FSTL5: variants seen among roughly 807,000 people sequenced by gnomAD.
FSTL5 encodes the protein follistatin-related protein 5.
FSTL5 carries 62 observed loss-of-function variants against 89.1 expected under a neutral mutation model. The ratio of observed to expected loss-of-function variants is 0.70; its 90% CI spans 0.57 to 0.86. FSTL5 has a LOEUF of 0.86. Ranked by LOEUF, FSTL5 falls within the 40% of genes least tolerant of loss-of-function variation. The pLI is 0.00. For synonymous variants in FSTL5, 383 were observed against 346.2 expected, an observed-to-expected ratio of 1.11 and a Z score of -1.18; for missense variants, 1,057 against 1,001.6, an observed-to-expected ratio of 1.06 and a Z score of -0.75.
At chr4:161,508,556 A>G (rs1284971236) in intron 11 of FSTL5, among the ~76,000 whole-genome samples, 2 of 152,156 alleles carry the variant, frequency 1.3e-5, no homozygotes, top group African/African-American at 4.8e-5. Context: ...CCAAAAACTA[A>G]CAGAATACAT....
intron 4 of FSTL5, among the ~76,000 whole-genome samples, chr4:161,870,930 G>A (rs1281436556): frequency 6.6e-6 from 1 of 152,022 alleles, no homozygotes; most frequent in Non-Finnish European, 1.5e-5. Flanking sequence ...GAGGCAAAAA[G>A]ATTCCTTAAT....
chr4:161,978,042 C>T (rs1578912105), intron 3 of FSTL5, among the ~76,000 whole-genome samples: 2 of 152,304 alleles, frequency 1.3e-5, no homozygotes, highest in African/African-American at 4.8e-5. Context: ...CAGTATTGGC[C>T]TTTCCACCTT....
At chr4:161,851,534 T>C (rs553794203) in intron 4 of FSTL5, among the ~76,000 whole-genome samples, 1 of 152,208 alleles carries the variant, frequency 6.6e-6, no homozygotes, top group Non-Finnish European at 1.5e-5. Flanking sequence ...ATACACTAAA[T>C]ATATGCACAT....
chr4:161,690,786 C>T (rs550468818), intron 6 of FSTL5, among the ~76,000 whole-genome samples: 9 of 152,026 alleles, frequency 5.9e-5, no homozygotes, highest in East Asian at 5.8e-4. Flanking sequence ...GTCATTTTTC[C>T]GACCATCTCC....
At chr4:161,965,882 G>A (rs1735312394) in intron 3 of FSTL5, among the ~76,000 whole-genome samples, 1 of 151,842 alleles carries the variant, frequency 6.6e-6, no homozygotes. Context: ...GTAGAGTATG[G>A]GTAATCTGTC....
At chr4:161,886,991 A>G (rs529288262) in intron 4 of FSTL5, among the ~76,000 whole-genome samples, 1 of 152,320 alleles carries the variant, frequency 6.6e-6, no homozygotes, top group Admixed American at 6.5e-5. Context: ...GCTTTAAAAT[A>G]GCTACATTTA....
intron 13 of FSTL5, among the ~76,000 whole-genome samples, chr4:161,471,096 A>G (rs1733919071): frequency 6.6e-6 from 1 of 152,242 alleles, no homozygotes; most frequent in Non-Finnish European, 1.5e-5. Flanking sequence ...TGTTCTGGCT[A>G]GAAGCCAATA....
intron 3 of FSTL5, among the ~76,000 whole-genome samples, chr4:162,001,337 T>G (rs1736456879): frequency 6.6e-6 from 1 of 152,098 alleles, no homozygotes; most frequent in Non-Finnish European, 1.5e-5. Context: ...TCTATCTATC[T>G]AGAGAGTAAA....
intron 4 of FSTL5, among the ~76,000 whole-genome samples, chr4:161,794,479 T>C (rs1729570530): frequency 6.6e-6 from 1 of 152,182 alleles, no homozygotes; most frequent in Admixed American, 6.5e-5. Flanking sequence ...AATTGTAAAT[T>C]TGAGTTAATT....
chr4:161,779,275 CA>C (rs899743102), intron 4 of FSTL5, among the ~76,000 whole-genome samples: 45 of 151,514 alleles, frequency 3.0e-4, no homozygotes, highest in South Asian at 2.3e-3. Context: ...ATAAAATAAC[CA>C]AAAAAAATTG....
At chr4:161,587,951 A>G (rs915617525) in intron 7 of FSTL5, among the ~76,000 whole-genome samples, 8 of 152,168 alleles carry the variant, frequency 5.3e-5, no homozygotes, top group African/African-American at 1.7e-4. Context: ...AGGCAGGTGG[A>G]TCACTTGATG....
chr4:162,065,583 G>A (rs1186239115), intron 2 of FSTL5, among the ~76,000 whole-genome samples: 1 of 151,968 alleles, frequency 6.6e-6, no homozygotes, highest in Admixed American at 6.6e-5. Context: ...GGAGAAAAGG[G>A]TGTAAAGAAA....
chr4:161,834,671 G>A (rs1402575833), intron 4 of FSTL5, among the ~76,000 whole-genome samples: 2 of 152,168 alleles, frequency 1.3e-5, no homozygotes, highest in African/African-American at 4.8e-5. Context: ...GACAAACAGA[G>A]AGCCAAATCA....
intron 15 of FSTL5, among the ~76,000 whole-genome samples, chr4:161,439,191 G>A (rs1732677755): frequency 6.6e-6 from 1 of 152,154 alleles, no homozygotes; most frequent in South Asian, 2.1e-4. Flanking sequence ...TCAAAAGCCT[G>A]TCCATTACTT....
chr4:162,160,914 C>CATA (rs1579073970), intron 1 of FSTL5, among the ~76,000 whole-genome samples: 1 of 151,442 alleles, frequency 6.6e-6, no homozygotes, highest in South Asian at 2.1e-4. Context: ...TCTCACAAAA[C>CATA]ATAAACAGGA....
At chr4:162,059,483 A>G (rs1738653051) in intron 2 of FSTL5, among the ~76,000 whole-genome samples, 1 of 152,178 alleles carries the variant, frequency 6.6e-6, no homozygotes, top group African/African-American at 2.4e-5. Context: ...GGGAATTCAG[A>G]AGAAAATTGA....
rs185387895 is a variant in FSTL5 at position 161,889,176 on chromosome 4, C to T, written c.409+31228G>A. Among the ~76,000 whole-genome samples the T allele has an allele frequency of 8.5e-4, 129 of 152,178 alleles. 1 individual carries two copies. The Middle Eastern group carries it at 0.017, about 20-fold the overall frequency. ...CAACCAAGCTTTGAGTAGCAATTTACGATCATCCACAAAATAGAGAAAGCC... is the reference window on the plus strand; with the variant it reads ...CAACCAAGCTTTGAGTAGCAATTTATGATCATCCACAAAATAGAGAAAGCC... On this transcript the variant is annotated intron_variant, in intron 4 of 15. Transcript: ENST00000306100.
chr4:161,705,841 C>A (rs1206940556), intron 6 of FSTL5, among the ~76,000 whole-genome samples: 1 of 148,790 alleles, frequency 6.7e-6, no homozygotes, highest in African/African-American at 2.5e-5. Flanking sequence ...GGGAGGATCA[C>A]TTGAGCCCAG....
At chr4:162,135,337 T>C (rs1463994732) in intron 1 of FSTL5, among the ~76,000 whole-genome samples, 2 of 152,020 alleles carry the variant, frequency 1.3e-5, no homozygotes, top group Non-Finnish European at 2.9e-5. Flanking sequence ...AAATTATATG[T>C]TTTTTAATAC....
Sources: allele counts gnomAD v4.1 joint callset (sites outside exome capture counted in the v4.1 genomes callset), GRCh38; gene constraint gnomAD v4.1.1; transcripts MANE v1.5; gene names NCBI Gene and HGNC (gene_info 2026-07-23, HGNC 2026-07-21).